CBLB: variants seen among roughly 807,000 people sequenced by gnomAD.
CBLB encodes the protein E3 ubiquitin-protein ligase CBL-B.
CBLB carries 31 observed loss-of-function variants against 104.9 expected under a neutral mutation model. That is an observed-to-expected ratio of 0.30 (90% CI 0.22 to 0.40). CBLB has a LOEUF of 0.40. Among genes scored for constraint, CBLB ranks in the 10% least tolerant of loss-of-function variants. CBLB has a pLI of 1.00. For missense variants in CBLB, 1,062 were observed against 1,214.6 expected (o/e 0.87, Z 1.87); for synonymous variants, 440 against 422.6 (o/e 1.04, Z -0.51).
At chr3:105,741,489 A>G (rs983523947) in intron 6 of CBLB, among the ~76,000 whole-genome samples, 6 of 152,090 alleles carry the variant, frequency 3.9e-5, no homozygotes, top group Admixed American at 1.3e-4. Context: ...TCCGCCTCCC[A>G]GGTTCACGCT....
rs759681721 is a variant in CBLB, at chr3:105,751,629, T to C, written c.567-11A>G. 38 of 1,611,220 alleles carry C rather than the reference T, an allele frequency of 2.4e-5. No homozygotes were observed. The highest frequency in any genetic ancestry group is 3.1e-5 in the Non-Finnish European group (37 of 1,177,774). On this transcript the variant is annotated splice_polypyrimidine_tract_variant and intron_variant, in intron 4 of 18. Coordinates refer to ENST00000394030, the MANE Select transcript of CBLB (RefSeq NM_170662.5). Reference sequence around the variant, plus strand: ...CATGGTACGATAGTTCTGTGCAAGGTGGAAAAAAAGGGAAATAATTGAATC... The same window carrying C: ...CATGGTACGATAGTTCTGTGCAAGGCGGAAAAAAAGGGAAATAATTGAATC...
intron 13 of CBLB, among the ~76,000 whole-genome samples, chr3:105,689,627 T>C (rs1338831809): frequency 6.7e-6 from 1 of 149,190 alleles, no homozygotes; most frequent in Non-Finnish European, 1.5e-5. Context: ...GTGTGCCAAG[T>C]AAAATAAATA....
intron 3 of CBLB, among the ~76,000 whole-genome samples, chr3:105,799,680 T>A (rs2082626103): frequency 6.6e-6 from 1 of 152,082 alleles, no homozygotes; most frequent in Non-Finnish European, 1.5e-5. Flanking sequence ...TTTTAAACAT[T>A]CTCCTAGAGA....
intron 9 of CBLB, among the ~76,000 whole-genome samples, chr3:105,727,541 C>T (rs926999652): frequency 1.3e-5 from 2 of 151,852 alleles, no homozygotes; most frequent in Non-Finnish European, 2.9e-5. Flanking sequence ...TACAGAAGCT[C>T]TTTAATTAGA....
intron 4 of CBLB, among the ~76,000 whole-genome samples, chr3:105,758,204 C>T (rs1409608198): frequency 3.3e-5 from 5 of 152,126 alleles, no homozygotes; most frequent in Non-Finnish European, 5.9e-5. Context: ...TTTCCAGCAA[C>T]CCACAGAAAC....
chr3:105,764,056 G>A (rs963647491), intron 4 of CBLB, among the ~76,000 whole-genome samples: 2 of 152,162 alleles, frequency 1.3e-5, no homozygotes, highest in African/African-American at 4.8e-5. Flanking sequence ...CTTTGACCCA[G>A]GGAGAAATAC....
intron 17 of CBLB, among the ~76,000 whole-genome samples, chr3:105,674,188 A>T (rs2065363373): frequency 6.6e-6 from 1 of 152,232 alleles, no homozygotes; most frequent in African/African-American, 2.4e-5. Flanking sequence ...GTCTCCACAA[A>T]GGCTGAGTAC....
At position 105,663,730 on chromosome 3, in the gene CBLB, C is replaced by G. The variant is rs574550626; in HGVS notation, c.2690-4501G>C. ...GAATGATTACTCTAGGTCATACATT[C>G]TAGACGGGGGCAATCATTGGTTCTT... is the stretch of plus-strand genomic sequence containing the variant. On this transcript the variant is annotated intron_variant, in intron 18 of 18. Coordinates refer to ENST00000394030, the MANE Select transcript of CBLB (RefSeq NM_170662.5). 2.0e-5 allele frequency among the ~76,000 whole-genome samples: 3 copies of G among 152,168 alleles called. No homozygotes were observed. In the East Asian group the frequency reaches 5.8e-4, roughly 29 times the overall value.
At chr3:105,817,438 A>G (rs982746450) in intron 3 of CBLB, among the ~76,000 whole-genome samples, 16 of 152,204 alleles carry the variant, frequency 1.1e-4, no homozygotes, top group African/African-American at 3.4e-4. Context: ...TTGAAGCTTG[A>G]GGACACTAAA....
intron 5 of CBLB, among the ~76,000 whole-genome samples, chr3:105,750,986 T>C (rs1441313143): frequency 6.6e-6 from 1 of 152,190 alleles, no homozygotes; most frequent in African/African-American, 2.4e-5. Context: ...ACAAAATAAG[T>C]ACAGGACACA....
At chr3:105,688,476 G>C (rs1168045741) in intron 13 of CBLB, among the ~76,000 whole-genome samples, 1 of 152,038 alleles carries the variant, frequency 6.6e-6, no homozygotes, top group Non-Finnish European at 1.5e-5. Flanking sequence ...CGCCAGCACA[G>C]GAGATAGTAT....
At chr3:105,767,002 T>C (rs1686707469) in intron 4 of CBLB, among the ~76,000 whole-genome samples, 1 of 152,210 alleles carries the variant, frequency 6.6e-6, no homozygotes, top group African/African-American at 2.4e-5. Flanking sequence ...TTGTTTTGTA[T>C]CTTGTTACAA....
At chr3:105,868,278 G>C in intron 1 of CBLB, 1 of 1,189,188 alleles carries the variant, frequency 8.4e-7, no homozygotes, top group Non-Finnish European at 1.1e-6. Context: ...AGCGGCCACG[G>C]AAAGGAGGAG....
At chr3:105,707,107 C>T (rs1276469738) in intron 10 of CBLB, among the ~76,000 whole-genome samples, 4 of 152,150 alleles carry the variant, frequency 2.6e-5, no homozygotes, top group Non-Finnish European at 5.9e-5. Flanking sequence ...CTGTTGGATA[C>T]TGAAAGAGTA....
Position 105,719,976 on chromosome 3 carries a change from C to T in CBLB, c.1407+71G>A, listed in dbSNP as rs930975545. ...AACTCAAATACGCTGAGTCATACTC[C>T]ATTTATGACGGCATCATTTCCTTTT... On this transcript the variant is annotated intron_variant, in intron 10 of 18. Coordinates refer to ENST00000394030, the MANE Select transcript of CBLB (RefSeq NM_170662.5). 1.1e-5 allele frequency: 13 copies of T among 1,138,556 alleles called. No homozygotes were observed. The Admixed American group carries it at 1.6e-4, about 14-fold the overall frequency. The allele number at this position is 1,138,556 out of a possible 1,614,324, so 70.5% of individuals were successfully genotyped here.
intron 5 of CBLB, among the ~76,000 whole-genome samples, chr3:105,750,356 A>G (rs2076488647): frequency 6.6e-6 from 1 of 152,194 alleles, no homozygotes; most frequent in Non-Finnish European, 1.5e-5. Context: ...TGCCAAGCAG[A>G]ATTATAAATC....
intron 3 of CBLB, among the ~76,000 whole-genome samples, chr3:105,801,984 T>C (rs2082932737): frequency 1.3e-5 from 2 of 152,206 alleles, no homozygotes; most frequent in Admixed American, 1.3e-4. Flanking sequence ...AATGCGTGAA[T>C]GAAAGTATAT....
intron 3 of CBLB, among the ~76,000 whole-genome samples, chr3:105,842,589 A>C: frequency 6.6e-6 from 1 of 152,164 alleles, no homozygotes; most frequent in Non-Finnish European, 1.5e-5. Context: ...AATATGGAAG[A>C]GAATCTGCTA....
At chr3:105,835,536 T>C (rs1434647572) in intron 3 of CBLB, among the ~76,000 whole-genome samples, 9 of 152,228 alleles carry the variant, frequency 5.9e-5, no homozygotes. Flanking sequence ...AAAATTATTT[T>C]ACTCTAAGTC....
Sources: gnomAD v4.1 joint callset for allele counts (sites outside exome capture counted in the v4.1 genomes callset) on GRCh38, gnomAD v4.1.1 for gene constraint, MANE v1.5 for transcripts, NCBI Gene and HGNC (gene_info 2026-07-23, HGNC 2026-07-21) for gene names.